Variants in EFCAB13 observed in about 807,000 individuals in gnomAD.
The protein encoded by EFCAB13 is EF-hand calcium binding domain 13, also known as EF-hand calcium-binding domain-containing protein 13.
A neutral mutation model predicts 110.2 loss-of-function variants in EFCAB13; 91 were observed. The ratio of observed to expected loss-of-function variants is 0.83; its 90% CI spans 0.70 to 0.98. The LOEUF (loss-of-function observed/expected upper bound fraction) is 0.98, where lower values mean the gene tolerates loss of function less well. Among genes scored for constraint, EFCAB13 ranks in the 50% least tolerant of loss-of-function variants. EFCAB13 has a pLI of 0.00. For missense variants in EFCAB13, 968 were observed against 1,119.4 expected, an observed-to-expected ratio of 0.86 and a Z score of 1.93; for synonymous variants, 323 against 369.9, an observed-to-expected ratio of 0.87 and a Z score of 1.45.
rs1598754969 is a variant in EFCAB13 at position 47,408,086 on chromosome 17, A to T, written c.2234-1561A>T. Among the ~76,000 whole-genome samples, 3 of 152,330 alleles carry T rather than the reference A, an allele frequency of 2.0e-5. No homozygotes were observed. The East Asian group carries it at 5.8e-4, about 29-fold the overall frequency. ...GCTTTGAAGAATAATTTTATTTCAA[A>T]GTTAATCCTTTTCCTTTTATGTGTT... On this transcript the variant is annotated intron_variant, in intron 20 of 24. Coordinates refer to ENST00000331493, the MANE Select transcript of EFCAB13 (RefSeq NM_152347.5).
At chr17:47,359,742 A>G (rs2065500962) in intron 9 of EFCAB13, among the ~76,000 whole-genome samples, 2 of 149,080 alleles carry the variant, frequency 1.3e-5, no homozygotes. Flanking sequence ...GTCATTTAGC[A>G]TTAGGTATAT....
At chr17:47,439,738 T>C (rs1905281168) in intron 24 of EFCAB13, among the ~76,000 whole-genome samples, 2 of 152,036 alleles carry the variant, frequency 1.3e-5, no homozygotes, top group Admixed American at 1.3e-4. Context: ...TAAGAAGCCT[T>C]TATAGACATT....
At chr17:47,434,343 T>C (rs1905172707) in intron 24 of EFCAB13, among the ~76,000 whole-genome samples, 1 of 151,938 alleles carries the variant, frequency 6.6e-6, no homozygotes, top group Non-Finnish European at 1.5e-5. Flanking sequence ...TACTTAGGAA[T>C]ATACTGAACC....
chr17:47,420,089 A>G (rs939647534), intron 23 of EFCAB13, among the ~76,000 whole-genome samples: 6 of 152,170 alleles, frequency 3.9e-5, no homozygotes, highest in Non-Finnish European at 5.9e-5. Flanking sequence ...CTGCAATTGC[A>G]GGCGCACGCC....
At chr17:47,406,183 G>C (rs2065804223) in intron 20 of EFCAB13, among the ~76,000 whole-genome samples, 1 of 152,146 alleles carries the variant, frequency 6.6e-6, no homozygotes, top group Admixed American at 6.6e-5. Flanking sequence ...AGCAATCTTG[G>C]CTCACTGCAA....
chr17:47,409,477 G>C, intron 20 of EFCAB13, 170 bp from the exon 21 acceptor site: 2 of 608,022 alleles, frequency 3.3e-6, no homozygotes, highest in South Asian at 2.4e-5. Flanking sequence ...AGTGAGGAGA[G>C]AATGGATATT....
chr17:47,392,314 CTAAT>C (rs901624481), intron 15 of EFCAB13, among the ~76,000 whole-genome samples: 36 of 152,136 alleles, frequency 2.4e-4, no homozygotes, highest in African/African-American at 8.7e-4. Context: ...TGTCAATTCT[CTAAT>C]TAACTTATTT....
intron 14 of EFCAB13, among the ~76,000 whole-genome samples, chr17:47,384,165 T>A (rs867259494): frequency 6.6e-6 from 1 of 151,400 alleles, no homozygotes; most frequent in Non-Finnish European, 1.5e-5. Context: ...TTTGTTTTTT[T>A]TTTTTTGCTT....
At chr17:47,351,300 T>C (rs200593581) in intron 9 of EFCAB13, among the ~76,000 whole-genome samples, 31 of 110,582 alleles carry the variant, frequency 2.8e-4, no homozygotes, top group Admixed American at 8.8e-4. Flanking sequence ...TGTGTGTGTG[T>C]GTGTGCGCGC....
intron 17 of EFCAB13, among the ~76,000 whole-genome samples, chr17:47,399,088 A>G (rs1038603390): frequency 1.3e-5 from 2 of 151,986 alleles, no homozygotes; most frequent in African/African-American, 2.4e-5. Context: ...GTGCCTGGCT[A>G]ATTTTTTGTA....
chr17:47,397,267 G>A (rs2065745261), intron 17 of EFCAB13, among the ~76,000 whole-genome samples: 1 of 152,200 alleles, frequency 6.6e-6, no homozygotes. Context: ...GCCAGCCTCG[G>A]CCTCCCGGGG....
At chr17:47,364,691 T>C (rs1223521754) in intron 10 of EFCAB13, among the ~76,000 whole-genome samples, 1 of 152,234 alleles carries the variant, frequency 6.6e-6, no homozygotes, top group Non-Finnish European at 1.5e-5. Context: ...CTGTCCACTC[T>C]TATGTTCCTT....
intron 17 of EFCAB13, 172 bp downstream of exon 17, chr17:47,396,149 A>C: frequency 2.2e-6 from 1 of 450,348 alleles, no homozygotes. Flanking sequence ...TTGTTTGGCT[A>C]TTCAATATAA....
chr17:47,380,630 G>A (rs1469697645), intron 14 of EFCAB13, among the ~76,000 whole-genome samples: 1 of 152,072 alleles, frequency 6.6e-6, no homozygotes, highest in Non-Finnish European at 1.5e-5. Flanking sequence ...GGTATTTCTG[G>A]TTCTAAATCC....
At chr17:47,366,590 G>C (rs2065547757) in intron 10 of EFCAB13, among the ~76,000 whole-genome samples, 1 of 152,104 alleles carries the variant, frequency 6.6e-6, no homozygotes, top group Non-Finnish European at 1.5e-5. Flanking sequence ...AGAGTAGGAG[G>C]CTGTTTTGAG....
chr17:47,416,248 G>A (rs374838858), intron 23 of EFCAB13, among the ~76,000 whole-genome samples: 5 of 151,912 alleles, frequency 3.3e-5, no homozygotes, highest in African/African-American at 7.3e-5. Flanking sequence ...TCATGACTCC[G>A]AAAGAAACTC....
chr17:47,436,841 TCCTTGAGGTGTGA>T (rs1905225455), intron 24 of EFCAB13, among the ~76,000 whole-genome samples: 2 of 152,100 alleles, frequency 1.3e-5, no homozygotes, highest in African/African-American at 2.4e-5. Flanking sequence ...CTTCTCTAGT[TCCTTGAGGTGTGA>T]CCTTAGAGTG....
At chr17:47,351,590 A>G (rs1287326418) in intron 9 of EFCAB13, among the ~76,000 whole-genome samples, 1 of 152,024 alleles carries the variant, frequency 6.6e-6, no homozygotes, top group Non-Finnish European at 1.5e-5. Flanking sequence ...CTTTTGAAAA[A>G]TGTCTATTCA....
At chr17:47,412,943 T>A (rs1187846585) in intron 22 of EFCAB13, 27 bp downstream of exon 22, 1 of 1,592,144 alleles carries the variant, frequency 6.3e-7, no homozygotes, top group South Asian at 1.1e-5. Flanking sequence ...CCTGAGATTC[T>A]TTTCATTTTT....
Sources: allele counts gnomAD v4.1 joint callset (sites outside exome capture counted in the v4.1 genomes callset), GRCh38; gene constraint gnomAD v4.1.1; transcripts MANE v1.5; gene names NCBI Gene and HGNC (gene_info 2026-07-23, HGNC 2026-07-21).